COX10: variants seen among roughly 807,000 people sequenced by gnomAD.
The protein encoded by COX10 is protoheme IX farnesyltransferase, mitochondrial.
Under a neutral mutation model 37.3 loss-of-function variants are expected in COX10, and 27 were observed. The ratio of observed to expected loss-of-function variants is 0.72; its 90% CI spans 0.53 to 1.00. The LOEUF (loss-of-function observed/expected upper bound fraction) is 1.00, where lower values mean the gene tolerates loss of function less well. Ranked by LOEUF, COX10 falls within the 50% of genes least tolerant of loss-of-function variation. The pLI is 0.00. For missense variants in COX10, 475 were observed against 563.2 expected (o/e 0.84, Z 1.59); for synonymous variants, 222 against 229.1 (o/e 0.97, Z 0.28).
intron 4 of COX10, among the ~76,000 whole-genome samples, chr17:14,107,867 C>T (rs1424480106): frequency 6.6e-6 from 1 of 152,132 alleles, no homozygotes; most frequent in African/African-American, 2.4e-5. Context: ...AGTGGACAGC[C>T]TTGATGAGTA....
intron 4 of COX10, among the ~76,000 whole-genome samples, chr17:14,105,348 C>G (rs945030918): frequency 7.9e-5 from 12 of 152,138 alleles, no homozygotes; most frequent in African/African-American, 2.9e-4. Context: ...GCACAGATCT[C>G]TAATTATTTT....
intron 4 of COX10, among the ~76,000 whole-genome samples, chr17:14,124,643 G>A (rs1467007534): frequency 6.6e-6 from 1 of 152,084 alleles, no homozygotes; most frequent in Non-Finnish European, 1.5e-5. Context: ...CATAAGAAAG[G>A]AAAAAAGTGA....
rs932642511 is a variant in COX10 at position 14,207,190 on chromosome 17, G to T, written c.1309G>T (p.Asp437Tyr). Residue 437 changes from aspartate (D) to tyrosine (Y), a missense_variant, in exon 7 of 7, where the codon GAC becomes TAC. This residue lies in a region of COX10 where 160 missense variants were observed against 180.6 expected (regional missense o/e 0.89). Coordinates refer to ENST00000261643, the MANE Select transcript of COX10 (RefSeq NM_001303.4). ...CTGCAAGCGGCCGAGCGGAGGCGGG[G>T]ACGCAGGGCCCCCTCCCAGCTGAGA... is the stretch of plus-strand genomic sequence containing the variant. Reference protein sequence around the residue: ...LTCKRPSGGGDAGPPPS With the variant: ...LTCKRPSGGGYAGPPPS The T allele has an allele frequency of 6.2e-7, 1 of 1,600,314 alleles. No individual in the cohort carries two copies. Among genetic ancestry groups the T allele is most frequent in the Non-Finnish European group, 8.5e-7 (1 of 1,175,526 alleles).
intron 6 of COX10, among the ~76,000 whole-genome samples, chr17:14,195,039 A>G (rs1906327024): frequency 6.6e-6 from 1 of 152,232 alleles, no homozygotes; most frequent in African/African-American, 2.4e-5. Context: ...CAGTAACAAC[A>G]TGACTTACTG....
rs201515235 is a variant in COX10, at chr17:14,165,456, GT to G, written c.695+5510del. Among the ~76,000 whole-genome samples the G allele has an allele frequency of 8.4e-3, 1,272 of 152,292 alleles. 15 individuals carry two copies. The highest frequency in any genetic ancestry group is 0.037 in the Middle Eastern group (11 of 294). The stretch of plus-strand genomic sequence containing the variant: ...TAATTGTTTTGGGGCACCATAAGCC[GT>G]GCCCATAAAAGACAGCAAACTTAAT... On this transcript the variant is annotated intron_variant, in intron 5 of 6. Transcript: ENST00000261643.
At chr17:14,140,700 C>T (rs1904513755) in intron 4 of COX10, among the ~76,000 whole-genome samples, 1 of 151,722 alleles carries the variant, frequency 6.6e-6, no homozygotes, top group African/African-American at 2.4e-5. Context: ...TAATAGTAAC[C>T]TCATCGACCT....
In COX10 at chr17:14,159,867, C is replaced by CT; in HGVS notation, c.625-5dup. 6.2e-7 allele frequency: 1 copy of CT among 1,603,934 alleles called. No individual in the cohort carries two copies. The highest frequency in any genetic ancestry group is 8.5e-7 in the Non-Finnish European group (1 of 1,173,712). ...TTAATGTTTTCTGTCTTTTTTCATTCTTTTTACAGTTTTTTGAGGTGCCAT... is the reference window on the plus strand; with the variant it reads ...TTAATGTTTTCTGTCTTTTTTCATTCTTTTTTACAGTTTTTTGAGGTGCCAT... On this transcript the variant is annotated splice_polypyrimidine_tract_variant and intron_variant, in intron 4 of 6. Coordinates refer to ENST00000261643, the MANE Select transcript of COX10 (RefSeq NM_001303.4).
intron 4 of COX10, among the ~76,000 whole-genome samples, chr17:14,153,334 G>T (rs1482122523): frequency 2.0e-5 from 3 of 152,114 alleles, no homozygotes; most frequent in Admixed American, 6.6e-5. Context: ...TTCTCTTCAA[G>T]CTCCTTGATA....
intron 5 of COX10, among the ~76,000 whole-genome samples, chr17:14,171,289 G>A (rs997909872): frequency 1.2e-4 from 19 of 152,320 alleles, no homozygotes; most frequent in African/African-American, 4.3e-4. Flanking sequence ...GAATCACGTC[G>A]AGGAGATGGC....
At chr17:14,182,904 T>G (rs1905909365) in intron 5 of COX10, among the ~76,000 whole-genome samples, 1 of 151,990 alleles carries the variant, frequency 6.6e-6, no homozygotes, top group Non-Finnish European at 1.5e-5. Context: ...GTAATTTAAA[T>G]TACATTTATT....
At chr17:14,123,459 A>G (rs1302238077) in intron 4 of COX10, among the ~76,000 whole-genome samples, 1 of 152,194 alleles carries the variant, frequency 6.6e-6, no homozygotes, top group African/African-American at 2.4e-5. Context: ...TGAGCTATGA[A>G]CATTAAGACT....
intron 3 of COX10, among the ~76,000 whole-genome samples, chr17:14,091,665 G>A (rs561642431): frequency 3.9e-5 from 6 of 152,186 alleles, no homozygotes; most frequent in African/African-American, 1.2e-4. Context: ...CAGTATTTTC[G>A]AGATTTAAAT....
chr17:14,070,754 T>C (rs1915001459), intron 1 of COX10, among the ~76,000 whole-genome samples: 1 of 152,246 alleles, frequency 6.6e-6, no homozygotes, highest in South Asian at 2.1e-4. Flanking sequence ...TCTTCGTTCT[T>C]TTTCATAATG....
intron 4 of COX10, among the ~76,000 whole-genome samples, chr17:14,127,335 T>A (rs1029687): frequency 0.49 from 74,841 of 152,002 alleles, 18,612 homozygotes; most frequent in South Asian, 0.53. Context: ...GACATTCTGA[T>A]AGAGTTCGAG....
At chr17:14,183,948 A>G (rs1304458277) in intron 5 of COX10, among the ~76,000 whole-genome samples, 1 of 152,268 alleles carries the variant, frequency 6.6e-6, no homozygotes, top group Non-Finnish European at 1.5e-5. Flanking sequence ...CTAGGCAATG[A>G]GAAATTTTAA....
intron 4 of COX10, among the ~76,000 whole-genome samples, chr17:14,127,927 A>ATGTGTG (rs67774468): frequency 0.011 from 1,628 of 143,680 alleles, 15 homozygotes; most frequent in Non-Finnish European, 0.013. Flanking sequence ...GAGTGTGTGT[A>ATGTGTG]TGTGTGTGTG....
At chr17:14,069,707 G>A (rs979249487) in intron 1 of COX10, 59 bp downstream of exon 1, 16 of 1,604,262 alleles carry the variant, frequency 1.0e-5, no homozygotes, top group African/African-American at 6.7e-5. Context: ...TACCACGTGC[G>A]AGGCCGTGGT....
intron 5 of COX10, among the ~76,000 whole-genome samples, chr17:14,179,563 A>G (rs964931462): frequency 1.3e-5 from 2 of 152,224 alleles, no homozygotes; most frequent in African/African-American, 4.8e-5. Context: ...GTTGAATGAA[A>G]TGAATAGATC....
intron 4 of COX10, among the ~76,000 whole-genome samples, chr17:14,139,635 C>A (rs1448165219): frequency 6.6e-6 from 1 of 151,978 alleles, no homozygotes; most frequent in Non-Finnish European, 1.5e-5. Context: ...ATAGTGATTG[C>A]GAGCTTAGGT....
Sources: allele counts gnomAD v4.1 joint callset (sites outside exome capture counted in the v4.1 genomes callset), GRCh38; gene constraint gnomAD v4.1.1; regional missense constraint gnomAD v4.1.1; transcripts MANE v1.5; gene names NCBI Gene and HGNC (gene_info 2026-07-23, HGNC 2026-07-21).